Variants in ATP10D observed in about 807,000 individuals in gnomAD.
The protein encoded by ATP10D is phospholipid-transporting ATPase VD.
ATP10D carries 89 observed loss-of-function variants against 144.8 expected under a neutral mutation model. The ratio of observed to expected loss-of-function variants is 0.61; its 90% CI spans 0.52 to 0.73. The LOEUF (loss-of-function observed/expected upper bound fraction) is 0.73. Ranked by LOEUF, ATP10D falls within the 30% of genes least tolerant of loss-of-function variation. The pLI is 0.00. For missense variants in ATP10D, 1,603 were observed against 1,714.8 expected (o/e 0.93, Z 1.15); for synonymous variants, 571 against 615.1 (o/e 0.93, Z 1.06).
intron 5 of ATP10D, among the ~76,000 whole-genome samples, chr4:47,534,268 G>A (rs1717711775): frequency 6.6e-6 from 1 of 152,064 alleles, no homozygotes; most frequent in Non-Finnish European, 1.5e-5. Flanking sequence ...GCATTCTTGT[G>A]GTGATGTTTA....
chr4:47,516,258 A>T (rs1490068689), intron 3 of ATP10D, among the ~76,000 whole-genome samples: 1 of 151,366 alleles, frequency 6.6e-6, no homozygotes, highest in African/African-American at 2.4e-5. Context: ...AAAAAAAAAA[A>T]GGAGGAGAAT....
rs758702633 is a variant in ATP10D, at chr4:47,572,934, C to A, written c.3303C>A (p.Val1101=). The A allele has an allele frequency of 6.2e-7, 1 of 1,613,912 alleles. No homozygotes were observed. The highest frequency in any genetic ancestry group is 8.5e-7 in the Non-Finnish European group (1 of 1,179,954). ...QFKHLSKLLL[V]HGHWCYTRLS... ...AACATCTCAGCAAGCTCCTTCTTGTCCATGGACACTGGTGTTATACACGGC... is the reference window on the plus strand; with the variant it reads ...AACATCTCAGCAAGCTCCTTCTTGTACATGGACACTGGTGTTATACACGGC... The change falls in exon 18 of 23, where the codon GTC becomes GTA. Residue 1101 remains valine, a synonymous_variant. Coordinates refer to ENST00000273859, the MANE Select transcript of ATP10D (RefSeq NM_020453.4).
chr4:47,508,508 G>C (rs1448253583), intron 1 of ATP10D, among the ~76,000 whole-genome samples: 1 of 152,236 alleles, frequency 6.6e-6, no homozygotes, highest in Non-Finnish European at 1.5e-5. Context: ...AGACTGAGTA[G>C]CTACTAAGTA....
chr4:47,512,377 T>C lies in ATP10D; in HGVS notation c.-37-127T>C. ...AAAATGGAGTTCTAAAGACTACTTT[T>C]ACTTTCTCCCTTACATGTTGAACCA... On this transcript the variant is annotated intron_variant, in intron 1 of 22. Coordinates refer to ENST00000273859, the MANE Select transcript of ATP10D (RefSeq NM_020453.4). 4 of 610,156 alleles carry C rather than the reference T, an allele frequency of 6.6e-6. No individual in the cohort carries two copies. In the South Asian group the frequency reaches 7.6e-5, roughly 12 times the overall value. The allele number at this position is 610,156 out of a possible 1,614,324, so 37.8% of individuals were successfully genotyped here.
In ATP10D at chr4:47,527,354, G is replaced by GA. The variant is rs545001211; in HGVS notation, c.776+1720dup. On this transcript the variant is annotated intron_variant, in intron 5 of 22. Transcript: ENST00000273859. ...ACATCTACAGTTATGAAAACTTTCA[G>GA]AAAAAAAATGGTGGAAATCTTTTTA... Among the ~76,000 whole-genome samples the GA allele has an allele frequency of 8.6e-5, 13 of 151,634 alleles. No homozygotes were observed. The East Asian group carries it at 1.7e-3, about 20-fold the overall frequency.
chr4:47,590,908 AC>A (rs1209033939), intron 22 of ATP10D, 133 bp from the exon 23 acceptor site: 3 of 544,162 alleles, frequency 5.5e-6, no homozygotes, highest in Non-Finnish European at 9.5e-6. Context: ...GAGTTCGGTT[AC>A]CCTCCCCCTT....
At chr4:47,558,886 A>C in intron 12 of ATP10D, 37 bp from the exon 13 acceptor site, 1 of 1,479,892 alleles carries the variant, frequency 6.8e-7, no homozygotes, top group Non-Finnish European at 9.3e-7. Context: ...AATTTGGCAG[A>C]CTGGTAGGAA....
Position 47,558,190 on chromosome 4 carries a change from G to C in ATP10D, c.2351G>C (p.Arg784Pro), listed in dbSNP as rs796765340. ...AGAAAAAGAATGTCTGTTGTGGTCC[G>C]ACACCCTCTTTCCAATCAAGTTGTG... is the stretch of plus-strand genomic sequence containing the variant. The part of the protein sequence containing the change: ...SVRKRMSVVV[R>P]HPLSNQVVVY... Residue 784 changes from arginine to proline, a missense_variant, in exon 12 of 23, where the codon CGA (arginine) becomes CCA (proline). Coordinates refer to ENST00000273859, the MANE Select transcript of ATP10D (RefSeq NM_020453.4). The C allele has an allele frequency of 6.2e-7, 1 of 1,614,124 alleles. No individual in the cohort carries two copies. The highest frequency in any genetic ancestry group is 2.2e-5 in the East Asian group (1 of 44,884).
chr4:47,512,805 A>G lies in ATP10D; in HGVS notation c.265A>G (p.Arg89Gly). Reference protein sequence around the residue: ...TKYTLLNFVPRNLFEQFHRAA... With the variant: ...TKYTLLNFVPGNLFEQFHRAA... ...GTACACACTTCTGAATTTTGTGCCA[A>G]GAAATTTATTTGAACAATTTCACAG... The change falls in exon 2 of 23, where the codon AGA becomes GGA. Residue 89 changes from arginine to glycine, a missense_variant. Physicochemically the swap from Arg to Gly is moderately radical, Grantham distance 125. Transcript: ENST00000273859. 1.2e-6 allele frequency: 2 copies of G among 1,601,014 alleles called. No individual in the cohort carries two copies. Among genetic ancestry groups the G allele is most frequent in the South Asian group, 2.2e-5 (2 of 90,580 alleles).
chr4:47,536,438 TC>T lies in ATP10D; in HGVS notation c.1018del (p.His340MetfsTer5). On this transcript the variant is annotated frameshift_variant and splice_region_variant, in exon 8 of 23. Transcript: ENST00000273859. LOFTEE classifies it high-confidence loss of function. ...VIMCLTGAVGHGIWLSRYEKM... is the reference protein window; with the variant it reads ...VIMCLTGAVGXGIWLSRYEKM... ...TGATGTCTGTGTATTTTTTGAAAGGTCATGGAATCTGGCTGAGCAGGTATGA... is the reference window on the plus strand; with the variant it reads ...TGATGTCTGTGTATTTTTTGAAAGGTATGGAATCTGGCTGAGCAGGTATGA... 5 of 1,612,836 alleles carry T rather than the reference TC, an allele frequency of 3.1e-6. No homozygotes were observed. Among genetic ancestry groups the T allele is most frequent in the Non-Finnish European group, 4.2e-6 (5 of 1,179,470 alleles).
In ATP10D at chr4:47,535,520, A is replaced by G. The variant is rs773456330; in HGVS notation, c.788A>G (p.Asn263Ser). Residue 263 changes from asparagine to serine, a missense_variant, in exon 6 of 23, where the codon AAC (asparagine) becomes AGC (serine). Coordinates refer to ENST00000273859, the MANE Select transcript of ATP10D (RefSeq NM_020453.4). ...SRFRGFLEHS[N>S]KERVGLSKEN... ...TGTCTTTCTTATAGAGAACATTCCA[A>G]CAAAGAACGCGTGGGTCTCAGTAAA... 13 of 1,610,070 alleles carry G rather than the reference A, an allele frequency of 8.1e-6. No individual in the cohort carries two copies. Among genetic ancestry groups the G allele is most frequent in the Non-Finnish European group, 9.3e-6 (11 of 1,178,552 alleles).
rs1720629474 is a variant in ATP10D at position 47,583,463 on chromosome 4, G to A, written c.3753+1399G>A. On this transcript the variant is annotated intron_variant, in intron 21 of 22. Coordinates refer to ENST00000273859, the MANE Select transcript of ATP10D (RefSeq NM_020453.4). The stretch of plus-strand genomic sequence containing the variant: ...TTCTAAAGTAGGGCTGATTATTTTG[G>A]ACATTATTTGCTTTGCTTACAATCA... The A allele has an allele frequency of 2.0e-5, 3 of 152,072 alleles. No homozygotes were observed. In the South Asian group the frequency reaches 6.2e-4, roughly 32 times the overall value. The allele number at this position is 152,072 out of a possible 1,614,324, so 9.4% of individuals were successfully genotyped here.
chr4:47,554,982 G>A (rs550245527), intron 11 of ATP10D, 68 bp downstream of exon 11: 1 of 1,301,772 alleles, frequency 7.7e-7, no homozygotes, highest in African/African-American at 1.5e-5. Flanking sequence ...AAATGTATCT[G>A]TACTGAGCTT....
intron 15 of ATP10D, among the ~76,000 whole-genome samples, chr4:47,566,825 G>A (rs1719662484): frequency 6.6e-6 from 1 of 152,070 alleles, no homozygotes; most frequent in African/African-American, 2.4e-5. Flanking sequence ...TATTTAATAT[G>A]CATATTAATG....
At chr4:47,513,719 A>G (rs1716484467) in intron 2 of ATP10D, among the ~76,000 whole-genome samples, 1 of 152,232 alleles carries the variant, frequency 6.6e-6, no homozygotes, top group Admixed American at 6.5e-5. Flanking sequence ...AGTCAGAAAG[A>G]TAGATGTGAC....
chr4:47,519,705 C>T (rs1271550779), intron 3 of ATP10D, among the ~76,000 whole-genome samples: 1 of 152,150 alleles, frequency 6.6e-6, no homozygotes, highest in East Asian at 1.9e-4. Context: ...CTTGAACACC[C>T]TTTAAGACTC....
chr4:47,565,955 T>C (rs979845087), intron 15 of ATP10D, among the ~76,000 whole-genome samples: 3 of 152,210 alleles, frequency 2.0e-5, no homozygotes, highest in Non-Finnish European at 4.4e-5. Flanking sequence ...TAATTTAGTT[T>C]TATCACAACT....
intron 10 of ATP10D, among the ~76,000 whole-genome samples, chr4:47,548,420 ACCGTCCCT>A (rs766331953): frequency 1.4e-4 from 21 of 152,286 alleles, no homozygotes; most frequent in South Asian, 2.1e-4. Context: ...CTCTGTTTAC[ACCGTCCCT>A]CCGTCCCTCC....
intron 14 of ATP10D, among the ~76,000 whole-genome samples, chr4:47,561,449 T>C (rs1322002573): frequency 2.0e-5 from 3 of 152,134 alleles, no homozygotes; most frequent in Non-Finnish European, 4.4e-5. Flanking sequence ...TTTTTTGAAT[T>C]CTCACAACAA....
Sources: allele counts gnomAD v4.1 joint callset (sites outside exome capture counted in the v4.1 genomes callset), GRCh38; gene constraint gnomAD v4.1.1; transcripts MANE v1.5; gene names NCBI Gene and HGNC (gene_info 2026-07-23, HGNC 2026-07-21).